The following POC5 variants were observed in gnomAD, a reference collection of about 807,000 sequenced individuals.
POC5 encodes the protein centrosomal protein POC5.
A neutral mutation model predicts 62.9 loss-of-function variants in POC5; 48 were observed. The observed-to-expected ratio is 0.76, with a 90% CI of 0.61 to 0.97. The LOEUF (loss-of-function observed/expected upper bound fraction) is 0.97, where lower values mean the gene tolerates loss of function less well. Ranked by LOEUF, POC5 falls within the 50% of genes least tolerant of loss-of-function variation. POC5 has a pLI of 0.00. For synonymous variants in POC5, 236 were observed against 228.2 expected (o/e 1.03, Z -0.31); for missense variants, 696 against 679.5 (o/e 1.02, Z -0.27).
intron 5 of POC5, among the ~76,000 whole-genome samples, chr5:75,698,167 A>C (rs1193663811): frequency 1.4e-5 from 2 of 138,588 alleles, no homozygotes; most frequent in Non-Finnish European, 3.2e-5. Context: ...AACGAGACAG[A>C]AAGTCAACAA....
At position 75,712,863 on chromosome 5, in the gene POC5, C is replaced by T. The variant is rs372045904; in HGVS notation, c.75G>A (p.Ser25=). The part of the protein sequence containing the change: ...NDSSRGSSVS[S]NLQEEYEELL... ...AGAAATTTTTTCCTACCTGAAGATT[C>T]GAAGAGACAGAACTGCCTCGACTGG... is the stretch of plus-strand genomic sequence containing the variant. The change falls in exon 2 of 12, where the codon TCG becomes TCA. Residue 25 remains serine (S), a synonymous_variant. Coordinates refer to ENST00000428202, the MANE Select transcript of POC5 (RefSeq NM_001099271.2). The T allele has an allele frequency of 3.2e-5, 52 of 1,607,538 alleles. No individual in the cohort carries two copies. The highest frequency in any genetic ancestry group is 1.1e-4 in the South Asian group (10 of 89,242).
intron 11 of POC5, among the ~76,000 whole-genome samples, chr5:75,675,741 G>C (rs1038635693): frequency 2.0e-5 from 3 of 152,178 alleles, no homozygotes; most frequent in Non-Finnish European, 4.4e-5. Context: ...TGCCAAAAAG[G>C]CTTTCTCCTT....
At chr5:75,694,608 A>G (rs1024105880) in intron 6 of POC5, 47 bp downstream of exon 6, 17 of 1,319,318 alleles carry the variant, frequency 1.3e-5, no homozygotes, top group Non-Finnish European at 1.6e-5. Context: ...ATTATCTAGC[A>G]AGACATTTAC....
At chr5:75,712,410 G>A (rs1220897429) in intron 2 of POC5, 2 of 1,612,628 alleles carry the variant, frequency 1.2e-6, no homozygotes, top group Admixed American at 1.7e-5. Flanking sequence ...CCAGGTCCTG[G>A]GCAGCAGATT....
At chr5:75,704,878 G>A (rs1777054269) in intron 4 of POC5, among the ~76,000 whole-genome samples, 6 of 152,136 alleles carry the variant, frequency 3.9e-5, no homozygotes, top group Admixed American at 3.3e-4. Flanking sequence ...CAAGAAAAAA[G>A]TCTCAGTCCA....
chr5:75,708,833 T>C (rs1035786364), intron 2 of POC5, among the ~76,000 whole-genome samples: 1 of 152,174 alleles, frequency 6.6e-6, no homozygotes, highest in South Asian at 2.1e-4. Context: ...ATTTACAATT[T>C]TTTTCTTCTT....
rs965865365 is a variant in POC5, at chr5:75,685,315, G to C, written c.1299C>G (p.Pro433=). ...TGGTAGAAGTCATCGAAGCAGCTGA[G>C]GGAACGGCAGTCGCGCTGGCTCCTC... ...AVGGASATAV[P]SAASMTSTRA... is the part of the protein sequence containing the mutation. Residue 433 remains proline, a synonymous_variant, in exon 10 of 12, where the codon CCC becomes CCG. Transcript: ENST00000428202. The C allele has an allele frequency of 1.2e-5, 19 of 1,613,926 alleles. No individual in the cohort carries two copies. Among genetic ancestry groups the C allele is most frequent in the Middle Eastern group, 1.6e-4 (1 of 6,084 alleles).
intron 3 of POC5, 131 bp from the exon 4 acceptor site, chr5:75,705,918 G>C: frequency 5.4e-6 from 3 of 551,226 alleles, no homozygotes; most frequent in Non-Finnish European, 9.3e-6. Flanking sequence ...TGGGGATATA[G>C]GAACACTAAA....
At chr5:75,702,509 G>C (rs17563863) in intron 5 of POC5, 96 bp downstream of exon 5, 5 of 1,186,886 alleles carry the variant, frequency 4.2e-6, no homozygotes, top group Admixed American at 5.6e-5. Context: ...AAGATTTTTA[G>C]AAAGTTTAAC....
chr5:75,688,162 T>C (rs985429451), intron 9 of POC5, among the ~76,000 whole-genome samples: 23 of 152,228 alleles, frequency 1.5e-4, no homozygotes, highest in African/African-American at 5.1e-4. Context: ...AAGTTATTCA[T>C]TGGATTGAAA....
chr5:75,685,100 C>G, intron 10 of POC5, 107 bp downstream of exon 10: 13 of 1,204,384 alleles, frequency 1.1e-5, no homozygotes, highest in Non-Finnish European at 1.5e-5. Context: ...ATCTCCTGAC[C>G]TCGTGATCCA....
chr5:75,697,622 C>G (rs550021740), intron 5 of POC5, among the ~76,000 whole-genome samples: 2 of 152,008 alleles, frequency 1.3e-5, no homozygotes, highest in Non-Finnish European at 2.9e-5. Flanking sequence ...TAAAGACCAT[C>G]GAGACTAGGA....
intron 11 of POC5, among the ~76,000 whole-genome samples, chr5:75,676,878 GTTTTTC>G (rs1775685264): frequency 6.6e-6 from 1 of 151,290 alleles, no homozygotes; most frequent in East Asian, 1.9e-4. Flanking sequence ...ATAAATCCTT[GTTTTTC>G]TTTAGGGATG....
At chr5:75,713,100 C>CA (rs987686881) in intron 1 of POC5, 149 bp from the exon 2 acceptor site, 13 of 588,926 alleles carry the variant, frequency 2.2e-5, no homozygotes, top group East Asian at 8.8e-5. Context: ...TACCTACAGG[C>CA]AAAAAATCAC....
intron 10 of POC5, among the ~76,000 whole-genome samples, chr5:75,684,652 C>T (rs371931142): frequency 3.3e-5 from 5 of 151,848 alleles, no homozygotes; most frequent in South Asian, 2.1e-4. Context: ...CGTGAGCCAC[C>T]GCGCCCGGCT....
chr5:75,696,351 C>A (rs888242392), intron 5 of POC5, among the ~76,000 whole-genome samples: 3 of 152,182 alleles, frequency 2.0e-5, no homozygotes, highest in African/African-American at 7.2e-5. Context: ...TCTCCCAGCA[C>A]GCAGCTGGAG....
intron 5 of POC5, among the ~76,000 whole-genome samples, chr5:75,698,553 G>A (rs1300660549): frequency 1.3e-5 from 2 of 151,872 alleles, no homozygotes; most frequent in East Asian, 3.9e-4. Flanking sequence ...GGATCTCTGG[G>A]ACACATTCAA....
chr5:75,685,444 A>G lies in POC5; in HGVS notation c.1170T>C (p.Pro390=). ...CAGAATGTTCTTTTCCTTGAACACC[A>G]GGACCATACTCTTCCTTTTTATTAT... ...STNNKKEEYG[P]GVQGKEHSAH... is the part of the protein sequence containing the mutation. Residue 390 remains proline (P), a synonymous_variant, in exon 10 of 12, where the codon CCT becomes CCC. Transcript: ENST00000428202. 1 of 1,613,194 alleles carries G rather than the reference A, an allele frequency of 6.2e-7. No individual in the cohort carries two copies. Among genetic ancestry groups the G allele is most frequent in the Non-Finnish European group, 8.5e-7 (1 of 1,179,234 alleles).
chr5:75,694,832 C>A lies in POC5; in HGVS notation c.514-1G>T. ...TACTTAGTTCAGATATGATGTTTGT[C>A]TGAAAAATTAATATAGTGACAATTA... On this transcript the variant is annotated splice_acceptor_variant, in intron 5 of 11. Transcript: ENST00000428202. LOFTEE classifies it high-confidence loss of function. 6.6e-7 allele frequency: 1 copy of A among 1,504,358 alleles called. No individual in the cohort carries two copies. Among genetic ancestry groups the A allele is most frequent in the Non-Finnish European group, 9.0e-7 (1 of 1,106,030 alleles). The allele number at this position is 1,504,358 out of a possible 1,614,324, so 93.2% of individuals were successfully genotyped here.
Sources: gnomAD v4.1 joint callset for allele counts (sites outside exome capture counted in the v4.1 genomes callset) on GRCh38, gnomAD v4.1.1 for gene constraint, MANE v1.5 for transcripts, NCBI Gene and HGNC (gene_info 2026-07-23, HGNC 2026-07-21) for gene names.